Variants in PCNX4 observed in about 807,000 individuals in gnomAD.
The protein encoded by PCNX4 is pecanex 4.
PCNX4 carries 103 observed loss-of-function variants against 107.2 expected under a neutral mutation model. The observed-to-expected ratio is 0.96, with a 90% confidence interval of 0.82 to 1.13. PCNX4 has a LOEUF of 1.13. PCNX4 is among the 50% of genes most tolerant of loss of function. PCNX4 has a pLI of 0.00. For synonymous variants in PCNX4, 541 were observed against 481.7 expected (o/e 1.12, Z -1.61); for missense variants, 1,528 against 1,379.4 (o/e 1.11, Z -1.71).
In PCNX4 at chr14:60,145,599, A is replaced by T. The variant is rs141540455; in HGVS notation, c.*11378A>T. 1 of 152,246 alleles carries T rather than the reference A, an allele frequency of 6.6e-6. No individual in the cohort carries two copies. Among genetic ancestry groups the T allele is most frequent in the East Asian group, 1.9e-4 (1 of 5,178 alleles). The allele number at this position is 152,246 out of a possible 1,614,324, so 9.4% of individuals were successfully genotyped here. A position where few individuals can be genotyped will look rare whatever the true frequency, so the allele number is the denominator to read the frequency against. On this transcript the variant is annotated 3_prime_UTR_variant, in exon 11 of 11. Transcript: ENST00000406854. The surrounding 1 kb of genome is among the most constrained non-coding windows in gnomAD (Gnocchi z 4.0). ...TGAGGCAAGAGAATTGCTTGAATCC[A>T]GGAGGCGGAGGTTGCAGTGAGCTGA... is the stretch of plus-strand genomic sequence containing the variant.
intron 10 of PCNX4, chr14:60,133,667 A>G (rs1301537956): frequency 4.8e-5 from 26 of 538,430 alleles, no homozygotes; most frequent in East Asian, 9.4e-5. Flanking sequence ...ATTTATGACT[A>G]TGCATCGCTG....
intron 2 of PCNX4, chr14:60,111,005 GTC>G (rs936080193): frequency 1.2e-5 from 2 of 166,988 alleles, no homozygotes; most frequent in Non-Finnish European, 2.9e-5. Flanking sequence ...AGAGCTTGAT[GTC>G]TCTCTTTTTG....
At chr14:60,122,832 A>T (rs1435334610) in intron 8 of PCNX4, among the ~76,000 whole-genome samples, 1 of 152,134 alleles carries the variant, frequency 6.6e-6, no homozygotes, top group Non-Finnish European at 1.5e-5. Flanking sequence ...TAGTAAGTGA[A>T]TTTTTTGTAC....
In PCNX4 at chr14:60,124,558, C is replaced by A. The variant is rs1259003984; in HGVS notation, c.2387C>A (p.Pro796His). Residue 796 changes from proline (P) to histidine (H), a missense_variant, in exon 9 of 11, where the codon CCT (proline) becomes CAT (histidine). Pro to His is a moderately conservative substitution (Grantham distance 77, BLOSUM62 -2). Coordinates refer to ENST00000406854, the MANE Select transcript of PCNX4 (RefSeq NM_001330177.2). ...AAAGGGAAAGCACCTCTAATGTTGC[C>A]TGCTTTGAACACTTTGCCACCTCCC... ...ENKGKAPLML[P>H]ALNTLPPPKS... 1 of 1,613,720 alleles carries A rather than the reference C, an allele frequency of 6.2e-7. No individual in the cohort carries two copies. The highest frequency in any genetic ancestry group is 8.5e-7 in the Non-Finnish European group (1 of 1,179,776).
chr14:60,101,374 C>T (rs1034927611), intron 1 of PCNX4, among the ~76,000 whole-genome samples: 8 of 152,046 alleles, frequency 5.3e-5, no homozygotes, highest in East Asian at 1.9e-4. Context: ...TACACTTGTT[C>T]GGCTTTTTTC....
At position 60,144,958 on chromosome 14, in the gene PCNX4, T is replaced by TGC; in HGVS notation, c.*10738_*10739dup. 1.2e-6 allele frequency: 2 copies of TGC among 1,604,448 alleles called. No individual in the cohort carries two copies. The highest frequency in any genetic ancestry group is 2.2e-5 in the South Asian group (2 of 89,536). ...CCTCCAGTGGCTTGAAAAGTACAGG[T>TGC]GCTCTTTTCAGTCATGTTTTGTCTT... On this transcript the variant is annotated 3_prime_UTR_variant, in exon 11 of 11. Coordinates refer to ENST00000406854, the MANE Select transcript of PCNX4 (RefSeq NM_001330177.2).
At position 60,141,510 on chromosome 14, in the gene PCNX4, A is replaced by G. The variant is rs139429843; in HGVS notation, c.*7289A>G. On this transcript the variant is annotated 3_prime_UTR_variant, in exon 11 of 11. Coordinates refer to ENST00000406854, the MANE Select transcript of PCNX4 (RefSeq NM_001330177.2). ...ATACTGTAACTTTCGGCTTATACACATGACAACTTAGAAGAAATAATCTGA... is the reference window on the plus strand; with the variant it reads ...ATACTGTAACTTTCGGCTTATACACGTGACAACTTAGAAGAAATAATCTGA... 132 of 152,338 alleles carry G rather than the reference A, an allele frequency of 8.7e-4. 1 individual carries two copies. Among genetic ancestry groups the G allele is most frequent in the African/African-American group, 3.0e-3 (126 of 41,580 alleles). 9.4% of individuals were successfully genotyped at this position (152,338 alleles called of 1,614,324 possible).
chr14:60,104,636 A>G (rs1336939433), intron 1 of PCNX4, among the ~76,000 whole-genome samples: 1 of 152,212 alleles, frequency 6.6e-6, no homozygotes, highest in African/African-American at 2.4e-5. Flanking sequence ...TCATGGTGGA[A>G]GGTGAAAGGC....
chr14:60,113,144 G>A (rs999340228), intron 2 of PCNX4, among the ~76,000 whole-genome samples: 36 of 152,168 alleles, frequency 2.4e-4, no homozygotes, highest in African/African-American at 8.0e-4. Context: ...TTGCGCCACT[G>A]CACTCCATCC....
In PCNX4 at chr14:60,108,007, T is replaced by C. The variant is rs1371118264; in HGVS notation, c.369T>C (p.Gly123=). Residue 123 remains glycine, a synonymous_variant, in exon 2 of 11, where the codon GGT becomes GGC. Transcript: ENST00000406854. The part of the protein sequence containing the change: ...EDEHEFTSCT[G]AETVKFLIPG... ...AGCATGAATTTACCAGTTGTACTGG[T>C]GCTGAGACTGTCAAATTTCTCATTC... is the stretch of plus-strand genomic sequence containing the variant. The C allele has an allele frequency of 3.1e-6, 5 of 1,612,880 alleles. No homozygotes were observed. The highest frequency in any genetic ancestry group is 4.2e-6 in the Non-Finnish European group (5 of 1,179,876).
In PCNX4 at chr14:60,138,451, AAG is replaced by A. The variant is rs909703121; in HGVS notation, c.*4232_*4233del. On this transcript the variant is annotated 3_prime_UTR_variant, in exon 11 of 11. Transcript: ENST00000406854. ...ATCCTAAGAAAAAATAAAACACAAA[AAG>A]AAAATCATTAAAGGAGCCAGACAAT... 31 of 152,314 alleles carry A rather than the reference AAG, an allele frequency of 2.0e-4. No individual in the cohort carries two copies. The highest frequency in any genetic ancestry group is 7.2e-4 in the African/African-American group (30 of 41,558). The allele number at this position is 152,314 out of a possible 1,614,324, so 9.4% of individuals were successfully genotyped here.
intron 7 of PCNX4, among the ~76,000 whole-genome samples, chr14:60,119,651 A>G (rs1306482168): frequency 6.6e-6 from 1 of 152,208 alleles, no homozygotes; most frequent in Non-Finnish European, 1.5e-5. Flanking sequence ...AATTTTCATT[A>G]TGTAATGCTG....
chr14:60,115,188 A>T lies in PCNX4; in HGVS notation c.1084A>T (p.Ile362Leu), dbSNP rs75475362. The change falls in exon 4 of 11, where the codon ATA becomes TTA. Residue 362 changes from isoleucine to leucine, a missense_variant. Coordinates refer to ENST00000406854, the MANE Select transcript of PCNX4 (RefSeq NM_001330177.2). ...GAAGGAATGCCTTTTCTACATCATTATATTAGTCTTGGCTCTTTTAGAAAC... is the reference window on the plus strand; with the variant it reads ...GAAGGAATGCCTTTTCTACATCATTTTATTAGTCTTGGCTCTTTTAGAAAC... ...SWKECLFYII[I>L]LVLALLETSL... 2.5e-6 allele frequency: 4 copies of T among 1,613,444 alleles called. No homozygotes were observed. The highest frequency in any genetic ancestry group is 3.4e-6 in the Non-Finnish European group (4 of 1,179,546).
At position 60,094,151 on chromosome 14, in the gene PCNX4, T is replaced by A. The variant is rs77969919; in HGVS notation, c.-54+1732T>A. Among the ~76,000 whole-genome samples the A allele has an allele frequency of 7.1e-3, 1,079 of 152,284 alleles. 9 individuals are homozygous for A. The highest frequency in any genetic ancestry group is 0.024 in the African/African-American group (1,013 of 41,550). ...AAATTTTCTTCCATTCTATAGGTTG[T>A]TCTCACTTTCATGATGGTGAGAACC... is the stretch of plus-strand genomic sequence containing the variant. On this transcript the variant is annotated intron_variant, in intron 1 of 10. Coordinates refer to ENST00000406854, the MANE Select transcript of PCNX4 (RefSeq NM_001330177.2).
rs755878570 is a variant in PCNX4 at position 60,114,717 on chromosome 14, C to G, written c.707C>G (p.Pro236Arg). The G allele has an allele frequency of 3.1e-6, 5 of 1,610,546 alleles. No individual in the cohort carries two copies. The East Asian group carries it at 1.1e-4, about 36-fold the overall frequency. The change falls in exon 3 of 11, where the codon CCA becomes CGA. Residue 236 changes from proline to arginine, a missense_variant. Pro to Arg is a moderately radical substitution (Grantham distance 103). Transcript: ENST00000406854. ...DLAHRFVVNM[P>R]ALEHMNQILH... ...TTATATAGGTTTGTGGTAAATATGC[C>G]AGCTCTAGAACACATGAATCAGATT...
At chr14:60,097,946 G>A (rs219305) in intron 1 of PCNX4, among the ~76,000 whole-genome samples, 113,960 of 152,018 alleles carry the variant, frequency 0.75, 44,806 homozygotes, top group Non-Finnish European at 0.87. Context: ...ACTGCCCCTC[G>A]TCATTTTTAT....
chr14:60,105,572 T>A (rs1895613744), intron 1 of PCNX4, among the ~76,000 whole-genome samples: 2 of 152,190 alleles, frequency 1.3e-5, no homozygotes, highest in Non-Finnish European at 2.9e-5. Context: ...AGTAGGGTGT[T>A]TATTTTTCAG....
chr14:60,096,706 G>A (rs1335008804), intron 1 of PCNX4, among the ~76,000 whole-genome samples: 3 of 152,170 alleles, frequency 2.0e-5, no homozygotes, highest in Non-Finnish European at 2.9e-5. Flanking sequence ...TGGTCACAGC[G>A]TTCTCCAGGT....
Position 60,125,045 on chromosome 14 carries a change from G to A in PCNX4, c.2874G>A (p.Leu958=), listed in dbSNP as rs371993040. The A allele has an allele frequency of 4.3e-6, 7 of 1,613,532 alleles. No individual in the cohort carries two copies. The African/African-American group carries it at 8.0e-5, about 18-fold the overall frequency. The change falls in exon 9 of 11, where the codon CTG becomes CTA. Residue 958 remains leucine, a synonymous_variant. Coordinates refer to ENST00000406854, the MANE Select transcript of PCNX4 (RefSeq NM_001330177.2). ...YHSEEKASNV[L]EEIAKDKVLK... is the part of the protein sequence containing the mutation. ...CAGAAGAGAAGGCCTCAAATGTACT[G>A]GAAGAAATTGCCAAGGACAAAGTTT...
Sources: gnomAD v4.1 joint callset for allele counts (sites outside exome capture counted in the v4.1 genomes callset) on GRCh38, gnomAD v4.1.1 for gene constraint, Gnocchi (gnomAD v3.1) non-coding constraint, MANE v1.5 for transcripts, NCBI Gene and HGNC (gene_info 2026-07-23, HGNC 2026-07-21) for gene names.